Variants in CDKAL1 observed in about 807,000 individuals in gnomAD.
The protein encoded by CDKAL1 is threonylcarbamoyladenosine tRNA methylthiotransferase.
In CDKAL1, 32 loss-of-function variants were observed where a neutral mutation model predicts 68.2. The observed-to-expected ratio is 0.47, with a 90% confidence interval of 0.35 to 0.63. The LOEUF (loss-of-function observed/expected upper bound fraction) is 0.63. CDKAL1 is among the 30% of genes least tolerant of loss of function. The pLI, the probability that CDKAL1 is intolerant of heterozygous loss-of-function variation, is 0.00. For synonymous variants in CDKAL1, 234 were observed against 244.3 expected (o/e 0.96, Z 0.39); for missense variants, 606 against 696.7 (o/e 0.87, Z 1.47).
intron 5 of CDKAL1, among the ~76,000 whole-genome samples, chr6:20,694,042 T>TTGTGTGTGTGTGTGTA (rs1261180037): frequency 8.7e-6 from 1 of 114,406 alleles, no homozygotes; most frequent in African/African-American, 4.2e-5. Context: ...CCGGCTAACT[T>TTGTGTGTGTGTGTGTA]TGTGTGTGTG....
intron 13 of CDKAL1, among the ~76,000 whole-genome samples, chr6:21,120,869 G>A (rs982977015): frequency 6.6e-6 from 1 of 152,142 alleles, no homozygotes; most frequent in East Asian, 1.9e-4. Flanking sequence ...GGATCTTTGA[G>A]TGGCATCTGA....
At chr6:20,859,099 C>G (rs2150519400) in intron 9 of CDKAL1, among the ~76,000 whole-genome samples, 1 of 151,502 alleles carries the variant, frequency 6.6e-6, no homozygotes, top group South Asian at 2.1e-4. Context: ...CTTGACTAAG[C>G]TATAAAAATA....
At chr6:20,814,021 T>C (rs896642687) in intron 8 of CDKAL1, among the ~76,000 whole-genome samples, 3 of 152,060 alleles carry the variant, frequency 2.0e-5, no homozygotes, top group South Asian at 4.1e-4. Flanking sequence ...TGGGGGAGAA[T>C]TGGCATCTTT....
At chr6:20,741,661 A>G (rs932397566) in intron 6 of CDKAL1, among the ~76,000 whole-genome samples, 2 of 149,894 alleles carry the variant, frequency 1.3e-5, no homozygotes, top group African/African-American at 4.9e-5. Flanking sequence ...TTGTTTTTTT[A>G]TGGCTGCATA....
chr6:20,860,212 G>A (rs930393644), intron 9 of CDKAL1, among the ~76,000 whole-genome samples: 9 of 152,008 alleles, frequency 5.9e-5, no homozygotes, highest in African/African-American at 2.2e-4. Flanking sequence ...TGAGTAGCTG[G>A]GATTACAGGT....
chr6:21,226,901 A>G (rs1363944835), intron 15 of CDKAL1, among the ~76,000 whole-genome samples: 2 of 152,160 alleles, frequency 1.3e-5, no homozygotes, highest in African/African-American at 4.8e-5. Flanking sequence ...TTTAATAGAG[A>G]CGGGGTTTCA....
chr6:20,653,037 T>C (rs181492858), intron 5 of CDKAL1, among the ~76,000 whole-genome samples: 4 of 152,372 alleles, frequency 2.6e-5, no homozygotes, highest in Admixed American at 2.6e-4. Flanking sequence ...TTTACATCTT[T>C]TTCTCAGCAT....
At chr6:21,073,301 T>G (rs1158395787) in intron 12 of CDKAL1, among the ~76,000 whole-genome samples, 1 of 152,206 alleles carries the variant, frequency 6.6e-6, no homozygotes, top group Non-Finnish European at 1.5e-5. Flanking sequence ...TGCAGGTTTT[T>G]TTGTGGACCT....
chr6:21,170,455 G>A lies in CDKAL1; in HGVS notation c.1300-27566G>A, dbSNP rs999086699. On this transcript the variant is annotated intron_variant, in intron 13 of 15. Coordinates refer to ENST00000274695, the MANE Select transcript of CDKAL1 (RefSeq NM_017774.3). ...AGTGATTCTCCTGCCTTAGCCGCCC[G>A]AGTAGCTGGGATTACAGGTGCCTGC... Among the ~76,000 whole-genome samples the A allele has an allele frequency of 5.3e-5, 8 of 152,008 alleles. No homozygotes were observed. In the East Asian group the frequency reaches 7.8e-4, roughly 15 times the overall value.
At chr6:21,085,242 A>C (rs1772629151) in intron 12 of CDKAL1, among the ~76,000 whole-genome samples, 1 of 152,158 alleles carries the variant, frequency 6.6e-6, no homozygotes, top group African/African-American at 2.4e-5. Context: ...GATCATTTTG[A>C]CCATCAGAAC....
rs554387255 is a variant in CDKAL1, at chr6:20,544,393, C to T, written c.-5-1953C>T. Among the ~76,000 whole-genome samples the T allele has an allele frequency of 2.6e-3, 387 of 151,496 alleles. 1 individual carries two copies. The highest frequency in any genetic ancestry group is 8.8e-3 in the African/African-American group (365 of 41,272). Reference sequence around the variant, plus strand: ...CGGGCGGATCGCGAGGTCAGGAGATCGAGACCATCCTGGCTAACACGGTGA... The same window carrying T: ...CGGGCGGATCGCGAGGTCAGGAGATTGAGACCATCCTGGCTAACACGGTGA... On this transcript the variant is annotated intron_variant, in intron 2 of 15. Transcript: ENST00000274695.
At chr6:21,222,971 T>C (rs962525269) in intron 15 of CDKAL1, among the ~76,000 whole-genome samples, 2 of 152,156 alleles carry the variant, frequency 1.3e-5, no homozygotes, top group African/African-American at 4.8e-5. Context: ...TACTCAGCGA[T>C]GTGCCATCTA....
chr6:20,675,043 C>T (rs1418854678), intron 5 of CDKAL1, among the ~76,000 whole-genome samples: 1 of 151,086 alleles, frequency 6.6e-6, no homozygotes, highest in Admixed American at 6.6e-5. Flanking sequence ...GAATTTACCT[C>T]GTGTTTCTGG....
chr6:20,544,250 T>C (rs1366479938), intron 2 of CDKAL1, among the ~76,000 whole-genome samples: 1 of 152,110 alleles, frequency 6.6e-6, no homozygotes, highest in Non-Finnish European at 1.5e-5. Context: ...TCTATATTTC[T>C]ATCCCTCTAC....
At chr6:20,904,853 A>G (rs1581800613) in intron 9 of CDKAL1, among the ~76,000 whole-genome samples, 1 of 152,308 alleles carries the variant, frequency 6.6e-6, no homozygotes, top group Non-Finnish European at 1.5e-5. Flanking sequence ...AGACTCAGAA[A>G]AGATGTGAGA....
chr6:21,003,048 G>A (rs1767514064), intron 11 of CDKAL1, among the ~76,000 whole-genome samples: 1 of 151,824 alleles, frequency 6.6e-6, no homozygotes, highest in African/African-American at 2.4e-5. Context: ...ATAAAATTGT[G>A]TATTTTGTCT....
intron 8 of CDKAL1, among the ~76,000 whole-genome samples, chr6:20,817,819 G>A (rs1336979152): frequency 6.6e-6 from 1 of 152,090 alleles, no homozygotes; most frequent in East Asian, 1.9e-4. Context: ...TTTACTTAGA[G>A]TTTTTATGGT....
intron 8 of CDKAL1, among the ~76,000 whole-genome samples, chr6:20,788,697 T>G (rs1055219896): frequency 2.6e-5 from 4 of 152,214 alleles, no homozygotes; most frequent in Admixed American, 6.5e-5. Context: ...TTGATGCTGC[T>G]GTATCTTCTA....
At chr6:21,215,454 C>T (rs776454175) in intron 15 of CDKAL1, among the ~76,000 whole-genome samples, 10 of 152,254 alleles carry the variant, frequency 6.6e-5, no homozygotes, top group Non-Finnish European at 1.0e-4. Context: ...GTCTACCACA[C>T]CCTATGAAAT....
Sources: gnomAD v4.1 joint callset for allele counts (sites outside exome capture counted in the v4.1 genomes callset) on GRCh38, gnomAD v4.1.1 for gene constraint, MANE v1.5 for transcripts, NCBI Gene and HGNC (gene_info 2026-07-23, HGNC 2026-07-21) for gene names.